Variants in PGPEP1L observed in about 807,000 individuals in gnomAD.
PGPEP1L encodes pyroglutamyl-peptidase I like, also known as pyroglutamyl-peptidase 1-like protein.
In PGPEP1L, 7 loss-of-function variants were observed where a neutral mutation model predicts 6.0. The ratio of observed to expected loss-of-function variants is 1.17; its 90% CI spans 0.66 to 2.19. PGPEP1L has a LOEUF of 2.19. Ranked by LOEUF, PGPEP1L falls within the 30% of genes most tolerant of loss-of-function variation. The pLI is 0.00. For synonymous variants in PGPEP1L, 103 were observed against 83.9 expected (o/e 1.23, Z -1.24); for missense variants, 209 against 192.5 (o/e 1.09, Z -0.51).
intron 2 of PGPEP1L, among the ~76,000 whole-genome samples, chr15:98,972,800 G>C (rs2017516758): frequency 6.8e-6 from 1 of 147,164 alleles, no homozygotes; most frequent in South Asian, 2.1e-4. Context: ...GAACCCAGGA[G>C]GCGGAGCTTG....
intron 2 of PGPEP1L, among the ~76,000 whole-genome samples, chr15:98,981,540 G>T (rs900317534): frequency 4.6e-5 from 7 of 151,738 alleles, no homozygotes; most frequent in Admixed American, 1.3e-4. Context: ...ACAAAACTAG[G>T]TAAGTCTGAG....
chr15:98,984,846 G>A (rs1242472371), intron 2 of PGPEP1L, among the ~76,000 whole-genome samples: 6 of 152,040 alleles, frequency 3.9e-5, no homozygotes, highest in Admixed American at 2.0e-4. Flanking sequence ...ACCAAGAAGG[G>A]GAAAATGAAA....
chr15:99,004,516 G>A (rs1384434223), intron 2 of PGPEP1L, among the ~76,000 whole-genome samples: 7 of 152,034 alleles, frequency 4.6e-5, no homozygotes, highest in Non-Finnish European at 8.8e-5. Flanking sequence ...TCAAGAGATC[G>A]AAACCATCCT....
intron 2 of PGPEP1L, among the ~76,000 whole-genome samples, chr15:99,000,394 T>C (rs1379450612): frequency 1.3e-5 from 2 of 152,158 alleles, no homozygotes; most frequent in East Asian, 1.9e-4. Context: ...TGCGGGCACA[T>C]GGCACAGGAC....
intron 2 of PGPEP1L, among the ~76,000 whole-genome samples, chr15:98,978,911 G>T (rs1391507662): frequency 2.6e-5 from 4 of 151,600 alleles, no homozygotes; most frequent in Non-Finnish European, 1.5e-5. Flanking sequence ...TGTGTTTTTA[G>T]TAGAGATGGG....
In PGPEP1L at chr15:98,983,941, A is replaced by AT. The variant is rs548641431; in HGVS notation, c.-141-12784dup. ...AAAATGCTGCGGTGTAAAATTGAACATTTTTTTCCTTACTATCTATAATTC... is the reference window on the plus strand; with the variant it reads ...AAAATGCTGCGGTGTAAAATTGAACATTTTTTTTCCTTACTATCTATAATTC... On this transcript the variant is annotated intron_variant, in intron 2 of 4. Coordinates refer to ENST00000535714, the MANE Select transcript of PGPEP1L (RefSeq NM_001167902.2). 1.4e-4 allele frequency among the ~76,000 whole-genome samples: 21 copies of AT among 148,848 alleles called. No homozygotes were observed. In the East Asian group the frequency reaches 2.6e-3, roughly 19 times the overall value.
At chr15:98,999,151 G>C (rs889119328) in intron 2 of PGPEP1L, among the ~76,000 whole-genome samples, 5 of 152,182 alleles carry the variant, frequency 3.3e-5, no homozygotes, top group Admixed American at 3.3e-4. Context: ...GTTAAGAGGA[G>C]GAAGAGATAA....
intron 2 of PGPEP1L, among the ~76,000 whole-genome samples, chr15:98,976,264 A>G (rs910487115): frequency 6.6e-6 from 1 of 152,250 alleles, no homozygotes; most frequent in Non-Finnish European, 1.5e-5. Flanking sequence ...TAATTTTAAG[A>G]AAATTATGGC....
At position 98,994,026 on chromosome 15, in the gene PGPEP1L, G is replaced by T. The variant is rs184174100; in HGVS notation, c.-142+11403C>A. 2.4e-3 allele frequency among the ~76,000 whole-genome samples: 368 copies of T among 152,284 alleles called. 1 individual carries two copies. Among genetic ancestry groups the T allele is most frequent in the Non-Finnish European group, 4.4e-3 (301 of 68,030 alleles). ...CTCATGCCTGTAATCCCAGCACTTT[G>T]GGAGGCCGAGGCAGGTGGATCATGA... On this transcript the variant is annotated intron_variant, in intron 2 of 4. Coordinates refer to ENST00000535714, the MANE Select transcript of PGPEP1L (RefSeq NM_001167902.2).
intron 4 of PGPEP1L, among the ~76,000 whole-genome samples, chr15:98,968,980 C>G (rs574230965): frequency 6.6e-6 from 1 of 152,188 alleles, no homozygotes; most frequent in African/African-American, 2.4e-5. Flanking sequence ...TTCATGTCTT[C>G]GTTGAGTCAC....
chr15:99,001,024 C>T (rs1192689123), intron 2 of PGPEP1L, among the ~76,000 whole-genome samples: 1 of 152,164 alleles, frequency 6.6e-6, no homozygotes, highest in Non-Finnish European at 1.5e-5. Context: ...GAACTCCAGA[C>T]ACGCTGCCTT....
chr15:98,983,547 T>G (rs2017699460), intron 2 of PGPEP1L, among the ~76,000 whole-genome samples: 1 of 152,186 alleles, frequency 6.6e-6, no homozygotes, highest in African/African-American at 2.4e-5. Context: ...CTGAGGCACT[T>G]AAGAGCTAAG....
In PGPEP1L at chr15:98,968,717, C is replaced by A; in HGVS notation, c.210-20G>T. On this transcript the variant is annotated intron_variant, in intron 4 of 4. Transcript: ENST00000535714. ...ACGTATCTGCAACCACAGGAAATGC[C>A]ACATTAATTCTCGGACCAGCCTCTA... 6.5e-7 allele frequency: 1 copy of A among 1,549,210 alleles called. No individual in the cohort carries two copies. Among genetic ancestry groups the A allele is most frequent in the South Asian group, 1.2e-5 (1 of 84,046 alleles).
At chr15:98,986,931 G>A (rs2017754644) in intron 2 of PGPEP1L, among the ~76,000 whole-genome samples, 1 of 152,038 alleles carries the variant, frequency 6.6e-6, no homozygotes, top group South Asian at 2.1e-4. Context: ...CACTTTGGGA[G>A]GCTGAGGCAG....
chr15:98,980,206 T>C (rs923994559), intron 2 of PGPEP1L, among the ~76,000 whole-genome samples: 5 of 152,180 alleles, frequency 3.3e-5, no homozygotes, highest in African/African-American at 1.2e-4. Flanking sequence ...AAATGAAAAG[T>C]GTCCAACTTA....
intron 2 of PGPEP1L, among the ~76,000 whole-genome samples, chr15:98,978,373 G>A (rs983489362): frequency 1.3e-5 from 2 of 152,132 alleles, no homozygotes; most frequent in Admixed American, 6.6e-5. Context: ...AGAGTCCAGG[G>A]ACCTAATTAA....
rs1555473843 is a variant in PGPEP1L at position 99,007,356 on chromosome 15, T to G, written c.-370+3A>C. 6.6e-6 allele frequency: 1 copy of G among 152,272 alleles called. No individual in the cohort carries two copies. The highest frequency in any genetic ancestry group is 1.9e-4 in the East Asian group (1 of 5,190). 9.4% of individuals were successfully genotyped at this position (152,272 alleles called of 1,614,324 possible). A position where few individuals can be genotyped will look rare whatever the true frequency, so the allele number is the denominator to read the frequency against. Reference sequence around the variant, plus strand: ...AGCAGCTCTCCTAGCTCCTATCACTTACCTAGTTCCGTCATGGTGTGTCCA... The same window carrying G: ...AGCAGCTCTCCTAGCTCCTATCACTGACCTAGTTCCGTCATGGTGTGTCCA... On this transcript the variant is annotated splice_donor_region_variant and intron_variant, in intron 1 of 4. Coordinates refer to ENST00000535714, the MANE Select transcript of PGPEP1L (RefSeq NM_001167902.2).
intron 2 of PGPEP1L, among the ~76,000 whole-genome samples, chr15:98,976,983 A>G (rs548715468): frequency 1.3e-4 from 18 of 139,354 alleles, no homozygotes; most frequent in Admixed American, 1.3e-3. Flanking sequence ...TTAGGACCCT[A>G]GAGAGGTCAA....
intron 2 of PGPEP1L, chr15:99,001,104 G>T: frequency 7.0e-6 from 3 of 427,846 alleles, no homozygotes; most frequent in Non-Finnish European, 1.4e-5. Flanking sequence ...GAACCCACCA[G>T]AAGGAAGAAA....
Sources: gnomAD v4.1 joint callset for allele counts (sites outside exome capture counted in the v4.1 genomes callset) on GRCh38, gnomAD v4.1.1 for gene constraint, MANE v1.5 for transcripts, NCBI Gene and HGNC (gene_info 2026-07-23, HGNC 2026-07-21) for gene names.